AGBL1: variants seen among roughly 807,000 people sequenced by gnomAD.
AGBL1 encodes the protein cytosolic carboxypeptidase 4.
AGBL1 carries 130 observed loss-of-function variants against 118.9 expected under a neutral mutation model. That is an observed-to-expected ratio of 1.09 (90% CI 0.95 to 1.26). The LOEUF (loss-of-function observed/expected upper bound fraction) is 1.26. Among genes scored for constraint, AGBL1 ranks in the 50% most tolerant of loss-of-function variants. The probability of loss-of-function intolerance (pLI) is 0.00; values close to 1 mark genes in which losing one functional copy is unlikely to be tolerated. For synonymous variants in AGBL1, 555 were observed against 478.9 expected, an observed-to-expected ratio of 1.16 and a Z score of -2.08; for missense variants, 1,584 against 1,298.1, an observed-to-expected ratio of 1.22 and a Z score of -3.38.
intron 22 of AGBL1, among the ~76,000 whole-genome samples, chr15:86,817,370 A>G (rs533910478): frequency 6.6e-6 from 1 of 151,824 alleles, no homozygotes; most frequent in East Asian, 1.9e-4. Context: ...GTCTACACCA[A>G]TGTTAGAATA....
chr15:86,449,235 A>T (rs2082163605), intron 18 of AGBL1, among the ~76,000 whole-genome samples: 1 of 152,246 alleles, frequency 6.6e-6, no homozygotes, highest in African/African-American at 2.4e-5. Context: ...GTGCCTGTTT[A>T]CTAAGTGCCA....
rs941958660 is a variant in AGBL1 at position 86,510,326 on chromosome 15, C to G, written c.2556-12484C>G. ...CTCTAGAGACACATTTTGGCTTGATCAACTCATCAGGGGAATTCCTTCATG... is the reference window on the plus strand; with the variant it reads ...CTCTAGAGACACATTTTGGCTTGATGAACTCATCAGGGGAATTCCTTCATG... On this transcript the variant is annotated intron_variant, in intron 18 of 22. Transcript: ENST00000614907. Among the ~76,000 whole-genome samples the G allele has an allele frequency of 4.5e-5, 6 of 133,952 alleles. No individual in the cohort carries two copies. The Admixed American group carries it at 4.6e-4, about 10-fold the overall frequency. The allele number at this position is 133,952 out of a possible 152,430, so 87.9% of individuals were successfully genotyped here.
intron 17 of AGBL1, among the ~76,000 whole-genome samples, chr15:86,395,118 C>G (rs184540595): frequency 6.6e-6 from 1 of 152,226 alleles, no homozygotes; most frequent in East Asian, 1.9e-4. Context: ...GACACTGACT[C>G]TATGGTTGAG....
downstream of AGBL1, among the ~76,000 whole-genome samples, chr15:86,920,621 A>G (rs752310500): frequency 5.3e-5 from 8 of 152,234 alleles, no homozygotes; most frequent in Non-Finnish European, 1.2e-4. Context: ...TCCAAGTGCT[A>G]GGAACAGTTT....
intron 22 of AGBL1, among the ~76,000 whole-genome samples, chr15:86,710,655 A>G (rs1314158279): frequency 6.6e-6 from 1 of 152,202 alleles, no homozygotes; most frequent in Non-Finnish European, 1.5e-5. Flanking sequence ...GTCGCCTGGC[A>G]ACATTCCTTA....
intron 22 of AGBL1, among the ~76,000 whole-genome samples, chr15:86,702,634 G>C (rs939997340): frequency 6.6e-6 from 1 of 152,092 alleles, no homozygotes; most frequent in African/African-American, 2.4e-5. Flanking sequence ...AGTCCTCATT[G>C]CACTATCCTC....
At chr15:86,778,919 G>A (rs1596473301) in intron 22 of AGBL1, among the ~76,000 whole-genome samples, 1 of 149,798 alleles carries the variant, frequency 6.7e-6, no homozygotes, top group East Asian at 2.0e-4. Flanking sequence ...GTAAAGACAG[G>A]CGTAAGAAAT....
At chr15:86,826,698 T>G (rs1203036689) in intron 22 of AGBL1, among the ~76,000 whole-genome samples, 1 of 152,118 alleles carries the variant, frequency 6.6e-6, no homozygotes, top group Non-Finnish European at 1.5e-5. Context: ...AACTCTGCAC[T>G]AACACAGTAA....
At chr15:87,025,701 G>A (rs959939303) in intron 24 of AGBL1, among the ~76,000 whole-genome samples, 5 of 151,458 alleles carry the variant, frequency 3.3e-5, no homozygotes, top group Admixed American at 6.6e-5. Flanking sequence ...AGCAAGCAAA[G>A]CAAGACTAAG....
rs577091931 is a variant in AGBL1 at position 86,643,619 on chromosome 15, TACTC to T, written c.2995-30653_2995-30650del. ...AAAAGAACTGATTATTGGATTTACT[TACTC>T]TATCTGCTGGTTTACATATTTTTCA... On this transcript the variant is annotated intron_variant, in intron 21 of 22. Transcript: ENST00000614907. 8.4e-4 allele frequency among the ~76,000 whole-genome samples: 128 copies of T among 152,302 alleles called. 1 individual carries two copies. The highest frequency in any genetic ancestry group is 2.5e-3 in the African/African-American group (103 of 41,592).
intron 17 of AGBL1, among the ~76,000 whole-genome samples, chr15:86,348,142 C>A (rs1011451184): frequency 2.6e-5 from 4 of 152,080 alleles, no homozygotes; most frequent in Non-Finnish European, 4.4e-5. Flanking sequence ...TAGTCCACAG[C>A]ATCTTCTTAA....
At chr15:86,983,218 T>C (rs1162754565) in intron 23 of AGBL1, among the ~76,000 whole-genome samples, 1 of 152,188 alleles carries the variant, frequency 6.6e-6, no homozygotes, top group Admixed American at 6.5e-5. Context: ...ATATCTTGCC[T>C]AATATTTACT....
intron 11 of AGBL1, 113 bp from the exon 12 acceptor site, chr15:86,266,261 C>T (rs1326007861): frequency 1.5e-6 from 1 of 650,610 alleles, no homozygotes. Context: ...TTAAACTTCT[C>T]TGTGCTTTCA....
At chr15:86,527,911 T>C (rs1349111098) in intron 19 of AGBL1, among the ~76,000 whole-genome samples, 12 of 152,166 alleles carry the variant, frequency 7.9e-5, no homozygotes, top group Non-Finnish European at 1.8e-4. Context: ...CATATATCTG[T>C]CCATCCACTC....
At chr15:87,012,264 G>GT (rs1317018419) in intron 24 of AGBL1, among the ~76,000 whole-genome samples, 1 of 112,312 alleles carries the variant, frequency 8.9e-6, no homozygotes, top group East Asian at 2.5e-4. Flanking sequence ...CCCAAGCTAG[G>GT]TTAAAAAAAA....
chr15:86,948,051 A>T (rs1219348239), intron 23 of AGBL1, among the ~76,000 whole-genome samples: 2 of 152,192 alleles, frequency 1.3e-5, no homozygotes, highest in Non-Finnish European at 2.9e-5. Context: ...TCAATTCTGC[A>T]ATTCTGTGGC....
At chr15:86,130,310 C>T (rs1659340505) in intron 1 of AGBL1, among the ~76,000 whole-genome samples, 1 of 152,018 alleles carries the variant, frequency 6.6e-6, no homozygotes, top group Non-Finnish European at 1.5e-5. Flanking sequence ...GGAAAGTTGG[C>T]TTCTTTTTTT....
chr15:86,866,575 C>T (rs1028474760), intron 22 of AGBL1, among the ~76,000 whole-genome samples: 1 of 152,172 alleles, frequency 6.6e-6, no homozygotes, highest in African/African-American at 2.4e-5. Flanking sequence ...TACCTCTGGC[C>T]GGGTGTGGTG....
chr15:86,662,135 G>A (rs1296551649), intron 21 of AGBL1, among the ~76,000 whole-genome samples: 1 of 152,124 alleles, frequency 6.6e-6, no homozygotes, highest in African/African-American at 2.4e-5. Context: ...TGGAAAAAGA[G>A]AAGCAAAACT....
Sources: gnomAD v4.1 joint callset for allele counts (sites outside exome capture counted in the v4.1 genomes callset) on GRCh38, gnomAD v4.1.1 for gene constraint, MANE v1.5 for transcripts, NCBI Gene and HGNC (gene_info 2026-07-23, HGNC 2026-07-21) for gene names.